GRM3: variants seen among roughly 807,000 people sequenced by gnomAD.
GRM3 encodes metabotropic glutamate receptor 3.
GRM3 carries 26 observed loss-of-function variants against 70.5 expected under a neutral mutation model. The ratio of observed to expected loss-of-function variants is 0.37; its 90% CI spans 0.27 to 0.51. GRM3 has a LOEUF of 0.51. Among genes scored for constraint, GRM3 ranks in the 20% least tolerant of loss-of-function variants. GRM3 has a pLI of 0.93. For missense variants in GRM3, 859 were observed against 1,123.8 expected (o/e 0.76, Z 3.37); for synonymous variants, 443 against 434.9 (o/e 1.02, Z -0.23).
intron 5 of GRM3, among the ~76,000 whole-genome samples, chr7:86,863,146 G>T (rs547310190): frequency 6.6e-6 from 1 of 152,144 alleles, no homozygotes; most frequent in Non-Finnish European, 1.5e-5. Flanking sequence ...TCAGTCCATA[G>T]AGAATGGGGC....
chr7:86,770,589 C>T (rs771279899), intron 2 of GRM3, among the ~76,000 whole-genome samples: 1 of 151,950 alleles, frequency 6.6e-6, no homozygotes, highest in Non-Finnish European at 1.5e-5. Context: ...TCTATTATAC[C>T]CCCTTCACTC....
At chr7:86,688,542 T>C (rs1338458591) in intron 1 of GRM3, among the ~76,000 whole-genome samples, 2 of 151,516 alleles carry the variant, frequency 1.3e-5, no homozygotes, top group Non-Finnish European at 3.0e-5. Flanking sequence ...TCTACAATCA[T>C]AGGCTATGAC....
rs1260376025 is a variant in GRM3 at position 86,838,810 on chromosome 7, T to C, written c.1325-29T>C. 3 of 1,328,044 alleles carry C rather than the reference T, an allele frequency of 2.3e-6. No homozygotes were observed. In the Admixed American group the frequency reaches 5.8e-5, roughly 26 times the overall value. The allele number at this position is 1,328,044 out of a possible 1,614,324, so 82.3% of individuals were successfully genotyped here. A position where few individuals can be genotyped will look rare whatever the true frequency, so the allele number is the denominator to read the frequency against. ...ACGTAAGACACCTAAACAAGTGTTC[T>C]TTTTTTTCTTTCACTTTACATATCA... On this transcript the variant is annotated intron_variant, in intron 3 of 5. Coordinates refer to ENST00000361669, the MANE Select transcript of GRM3 (RefSeq NM_000840.3).
At chr7:86,676,425 A>G (rs1169520502) in intron 1 of GRM3, among the ~76,000 whole-genome samples, 1 of 95,898 alleles carries the variant, frequency 1.0e-5, no homozygotes, top group Non-Finnish European at 2.1e-5. Flanking sequence ...TCTCTGTAGA[A>G]AAGCAGCAGG....
intron 1 of GRM3, among the ~76,000 whole-genome samples, chr7:86,710,552 C>G (rs1296364680): frequency 1.5e-5 from 1 of 66,638 alleles, no homozygotes; most frequent in Non-Finnish European, 2.7e-5. Context: ...TAAGCTGCTA[C>G]TGTGTGTGTG....
At chr7:86,657,334 G>A (rs1185992236) in intron 1 of GRM3, among the ~76,000 whole-genome samples, 1 of 152,170 alleles carries the variant, frequency 6.6e-6, no homozygotes, top group Admixed American at 6.5e-5. Flanking sequence ...TCAGGAGCTT[G>A]GCTGTGAGAC....
intron 1 of GRM3, among the ~76,000 whole-genome samples, chr7:86,751,732 A>G (rs1027420766): frequency 3.3e-5 from 5 of 152,042 alleles, no homozygotes; most frequent in African/African-American, 1.2e-4. Context: ...TGTGTACAGA[A>G]AGGATAACAA....
chr7:86,767,170 C>A (rs1302586806), intron 2 of GRM3, among the ~76,000 whole-genome samples: 1 of 151,928 alleles, frequency 6.6e-6, no homozygotes, highest in Non-Finnish European at 1.5e-5. Context: ...CAAGATCAGG[C>A]CACTGCCCTC....
intron 1 of GRM3, among the ~76,000 whole-genome samples, chr7:86,735,268 T>C (rs1428406210): frequency 6.6e-6 from 1 of 152,112 alleles, no homozygotes; most frequent in Admixed American, 6.6e-5. Context: ...ATCTCCACAC[T>C]CCTCAGTACA....
At chr7:86,777,695 G>A (rs1796930817) in intron 2 of GRM3, among the ~76,000 whole-genome samples, 1 of 152,140 alleles carries the variant, frequency 6.6e-6, no homozygotes, top group Non-Finnish European at 1.5e-5. Flanking sequence ...AACAAAAAAA[G>A]TTACTAATCC....
At chr7:86,777,146 C>A (rs1244809592) in intron 2 of GRM3, among the ~76,000 whole-genome samples, 1 of 152,134 alleles carries the variant, frequency 6.6e-6, no homozygotes, top group South Asian at 2.1e-4. Context: ...TCTTTTAATA[C>A]CAGTCTCCTG....
intron 5 of GRM3, among the ~76,000 whole-genome samples, chr7:86,856,834 G>T (rs1798859388): frequency 6.6e-6 from 1 of 151,828 alleles, no homozygotes; most frequent in Non-Finnish European, 1.5e-5. Context: ...CTAATATGTT[G>T]CTAGGTTTTC....
At chr7:86,668,671 A>T (rs1157163530) in intron 1 of GRM3, among the ~76,000 whole-genome samples, 1 of 152,122 alleles carries the variant, frequency 6.6e-6, no homozygotes, top group Non-Finnish European at 1.5e-5. Flanking sequence ...CTGCAAATAT[A>T]TTCCGAAAAT....
chr7:86,849,740 T>C (rs1798723638), intron 4 of GRM3, among the ~76,000 whole-genome samples: 1 of 152,054 alleles, frequency 6.6e-6, no homozygotes, highest in African/African-American at 2.4e-5. Flanking sequence ...AATGGGTGTA[T>C]AGAAGCCTAG....
chr7:86,751,101 G>A (rs939097241), intron 1 of GRM3, among the ~76,000 whole-genome samples: 4 of 152,048 alleles, frequency 2.6e-5, no homozygotes, highest in African/African-American at 7.2e-5. Flanking sequence ...GTCTGAAATG[G>A]CATCAGGTAT....
At chr7:86,765,687 T>A in intron 2 of GRM3, 74 bp downstream of exon 2, 1 of 1,213,432 alleles carries the variant, frequency 8.2e-7, no homozygotes. Context: ...AAAAGGAAAA[T>A]ATCATAATAA....
intron 1 of GRM3, among the ~76,000 whole-genome samples, chr7:86,735,782 C>A (rs1025313148): frequency 4.6e-5 from 7 of 152,248 alleles, no homozygotes; most frequent in African/African-American, 1.4e-4. Context: ...GACTAAGTAC[C>A]ATTTTACCAT....
rs568804598 is a variant in GRM3, at chr7:86,839,246, A to G, written c.1732A>G (p.Ile578Val). ...DYIRWEDAWA[I>V]GPVTIACLGF... ...CATCAGGTGGGAAGACGCCTGGGCC[A>G]TTGGCCCAGTCACCATTGCCTGTCT... The change falls in exon 4 of 6, where the codon ATT (isoleucine) becomes GTT (valine). Residue 578 changes from isoleucine to valine, a missense_variant. Transcript: ENST00000361669. This position sits in a 1 kb window ranked among gnomAD's most constrained non-coding sequence, Gnocchi z 4.5. 6.2e-7 allele frequency: 1 copy of G among 1,614,028 alleles called. No individual in the cohort carries two copies. Among genetic ancestry groups the G allele is most frequent in the African/African-American group, 1.3e-5 (1 of 75,048 alleles).
chr7:86,776,254 A>C (rs1796888724), intron 2 of GRM3, among the ~76,000 whole-genome samples: 1 of 152,132 alleles, frequency 6.6e-6, no homozygotes, highest in African/African-American at 2.4e-5. Flanking sequence ...TTGACAGATA[A>C]AGAAATTGCA....
Sources: gnomAD v4.1 joint callset for allele counts (sites outside exome capture counted in the v4.1 genomes callset) on GRCh38, gnomAD v4.1.1 for gene constraint, Gnocchi (gnomAD v3.1) non-coding constraint, MANE v1.5 for transcripts, NCBI Gene and HGNC (gene_info 2026-07-23, HGNC 2026-07-21) for gene names.